SHISAL1: variants seen among roughly 807,000 people sequenced by gnomAD.
SHISAL1 encodes shisa like 1, also known as protein shisa-like-1.
SHISAL1 carries 9 observed loss-of-function variants against 22.6 expected under a neutral mutation model. The ratio of observed to expected loss-of-function variants is 0.40; its 90% CI spans 0.24 to 0.70. SHISAL1 has a LOEUF of 0.70. Among genes scored for constraint, SHISAL1 ranks in the 30% least tolerant of loss-of-function variants. The pLI is 0.39. For missense variants in SHISAL1, 246 were observed against 270.6 expected, an observed-to-expected ratio of 0.91 and a Z score of 0.64; for synonymous variants, 119 against 115.4, an observed-to-expected ratio of 1.03 and a Z score of -0.20.
chr22:44,314,663 G>A (rs2055545966), upstream of SHISAL1, among the ~76,000 whole-genome samples: 1 of 152,130 alleles, frequency 6.6e-6, no homozygotes, highest in Non-Finnish European at 1.5e-5. Context: ...CTTGCACAGT[G>A]GGTCTTTGCC....
Position 44,288,359 on chromosome 22 carries a change from A to C in SHISAL1, c.282-2614T>G, listed in dbSNP as rs8142990. 3.9e-5 allele frequency among the ~76,000 whole-genome samples: 6 copies of C among 152,304 alleles called. No individual in the cohort carries two copies. In the South Asian group the frequency reaches 1.2e-3, roughly 32 times the overall value. ...AGGTAGAAAAGCTGCTCCAGGGGCC[A>C]GGCGCGGTGGCTCATGCCTGTAATC... On this transcript the variant is annotated intron_variant, in intron 3 of 4. Coordinates refer to ENST00000381176, the MANE Select transcript of SHISAL1 (RefSeq NM_001099294.2).
chr22:44,328,603 C>A, the SHISAL1 span, among the ~76,000 whole-genome samples: 3,348 of 152,228 alleles, frequency 0.022, 61 homozygotes, highest in South Asian at 0.053. Flanking sequence ...CATGAGGCAA[C>A]CCTCTTGCAG....
chr22:44,255,660 A>G (rs1199538738), intron 4 of SHISAL1, among the ~76,000 whole-genome samples: 1 of 152,150 alleles, frequency 6.6e-6, no homozygotes, highest in African/African-American at 2.4e-5. Context: ...TCTGCTCTCA[A>G]CACAGCAGCC....
Position 44,294,045 on chromosome 22 carries a change from T to C in SHISAL1, c.281+2627A>G, listed in dbSNP as rs76198488. Among the ~76,000 whole-genome samples the C allele has an allele frequency of 4.9e-3, 744 of 152,298 alleles. 8 individuals are homozygous for C. The highest frequency in any genetic ancestry group is 0.017 in the African/African-American group (710 of 41,562). The stretch of plus-strand genomic sequence containing the variant: ...CAGACCTTGGAGAAGTCTGGTTGTT[T>C]TGCCAAGCCTTGTCTGGCGTTCAGC... On this transcript the variant is annotated intron_variant, in intron 3 of 4. Transcript: ENST00000381176.
chr22:44,277,112 G>A (rs935315542), intron 4 of SHISAL1, among the ~76,000 whole-genome samples: 3 of 152,292 alleles, frequency 2.0e-5, no homozygotes, highest in Admixed American at 6.5e-5. Flanking sequence ...TCCTCCCCTG[G>A]CTGACCAGTG....
At chr22:44,314,437 T>G (rs2055544469), upstream of SHISAL1, among the ~76,000 whole-genome samples, 1 of 152,200 alleles carries the variant, frequency 6.6e-6, no homozygotes, top group Non-Finnish European at 1.5e-5. Flanking sequence ...GCAGACCTCC[T>G]GTGCACCAGA....
intron 3 of SHISAL1, among the ~76,000 whole-genome samples, chr22:44,288,186 A>G (rs2055329327): frequency 6.6e-6 from 1 of 152,208 alleles, no homozygotes; most frequent in South Asian, 2.1e-4. Flanking sequence ...ACGGATGGAA[A>G]ACTGAGGCTC....
At chr22:44,266,564 GGGCTCTGGTGTGTATGTGTGTGTTGGA>G (rs1297541798) in intron 4 of SHISAL1, among the ~76,000 whole-genome samples, 3 of 139,732 alleles carry the variant, frequency 2.1e-5, no homozygotes, top group African/African-American at 8.0e-5. Flanking sequence ...GTGTGTTGGA[GGGCTCTGGTGTGTATGTGTGTGTTGGA>G]GGCTCTGGTG....
At chr22:44,315,492 C>G (rs1018169681), upstream of SHISAL1, among the ~76,000 whole-genome samples, 1 of 152,158 alleles carries the variant, frequency 6.6e-6, no homozygotes, top group African/African-American at 2.4e-5. Flanking sequence ...AATTCCCAGC[C>G]TCCTCCTACT....
rs768987294 is a variant in SHISAL1 at position 44,289,496 on chromosome 22, T to TGTGTGTGTGTGTGTGTGTGTG, written c.282-3752_282-3751insCACACACACACACACACACAC. On this transcript the variant is annotated intron_variant, in intron 3 of 4. Coordinates refer to ENST00000381176, the MANE Select transcript of SHISAL1 (RefSeq NM_001099294.2). ...TGTGTGTGTGTGTGTGTGTGTGTGT[T>TGTGTGTGTGTGTGTGTGTGTG]TACTGCCGGGCTCCTGGCCTCTGCA... Among the ~76,000 whole-genome samples the TGTGTGTGTGTGTGTGTGTGTG allele has an allele frequency of 2.3e-3, 314 of 137,850 alleles. 6 individuals are homozygous for TGTGTGTGTGTGTGTGTGTGTG. Among genetic ancestry groups the TGTGTGTGTGTGTGTGTGTGTG allele is most frequent in the African/African-American group, 5.3e-3 (198 of 37,450 alleles). The allele number at this position is 137,850 out of a possible 152,430, so 90.4% of individuals were successfully genotyped here. A position where few individuals can be genotyped will look rare whatever the true frequency, so the allele number is the denominator to read the frequency against.
At chr22:44,301,842 T>C (rs550998469) in intron 1 of SHISAL1, among the ~76,000 whole-genome samples, 4 of 152,160 alleles carry the variant, frequency 2.6e-5, no homozygotes, top group Admixed American at 2.6e-4. Context: ...ATGGGGTCCC[T>C]AGAGGAGTCC....
the SHISAL1 span, among the ~76,000 whole-genome samples, chr22:44,329,157 T>G: frequency 6.6e-6 from 1 of 152,194 alleles, no homozygotes; most frequent in African/African-American, 2.4e-5. Flanking sequence ...CTTCCTCCTC[T>G]GCTTCCTTGA....
At chr22:44,270,956 C>T (rs938221911) in intron 4 of SHISAL1, among the ~76,000 whole-genome samples, 17 of 152,174 alleles carry the variant, frequency 1.1e-4, no homozygotes, top group Non-Finnish European at 2.2e-4. Flanking sequence ...AAGCCCTGAG[C>T]AACCTCAAAC....
the SHISAL1 span, among the ~76,000 whole-genome samples, chr22:44,320,539 AT>A: frequency 1.3e-5 from 2 of 152,164 alleles, no homozygotes; most frequent in African/African-American, 4.8e-5. Flanking sequence ...ATATTTTCTA[AT>A]TTTTTTCCAC....
the SHISAL1 span, among the ~76,000 whole-genome samples, chr22:44,320,733 G>A: frequency 2.0e-5 from 3 of 152,178 alleles, no homozygotes. Flanking sequence ...CCCCTGGCCT[G>A]TGGACCTGCA....
intron 1 of SHISAL1, among the ~76,000 whole-genome samples, chr22:44,307,666 C>G (rs570842334): frequency 6.6e-6 from 1 of 152,270 alleles, no homozygotes; most frequent in South Asian, 2.1e-4. Flanking sequence ...AGGCATGCAT[C>G]TCTGCGGGCC....
chr22:44,259,387 G>A (rs6006505), intron 4 of SHISAL1, among the ~76,000 whole-genome samples: 9,051 of 151,618 alleles, frequency 0.06, 308 homozygotes, highest in African/African-American at 0.073. Flanking sequence ...GCAGTGAGCC[G>A]ATATCGCGCC....
At chr22:44,279,292 A>G (rs79364) in intron 4 of SHISAL1, among the ~76,000 whole-genome samples, 77,377 of 152,100 alleles carry the variant, frequency 0.51, 21,169 homozygotes, top group Non-Finnish European at 0.62. Context: ...TGGAACCCCC[A>G]AGGAGCTGCA....
rs2055006280 is a variant in SHISAL1 at position 44,246,915 on chromosome 22, C to T, written c.*2770G>A. 1 of 152,234 alleles carries T rather than the reference C, an allele frequency of 6.6e-6. No individual in the cohort carries two copies. The highest frequency in any genetic ancestry group is 2.1e-4 in the South Asian group (1 of 4,828). The allele number at this position is 152,234 out of a possible 1,614,324, so 9.4% of individuals were successfully genotyped here. On this transcript the variant is annotated 3_prime_UTR_variant, in exon 5 of 5. Coordinates refer to ENST00000381176, the MANE Select transcript of SHISAL1 (RefSeq NM_001099294.2). ...GCCTCCTGCTTGCCACAGAATGTTCCAGTCCTCAGCCCAGCTGCCCAAGAG... is the reference window on the plus strand; with the variant it reads ...GCCTCCTGCTTGCCACAGAATGTTCTAGTCCTCAGCCCAGCTGCCCAAGAG...
Sources: gnomAD v4.1 joint callset for allele counts (sites outside exome capture counted in the v4.1 genomes callset) on GRCh38, gnomAD v4.1.1 for gene constraint, MANE v1.5 for transcripts, NCBI Gene and HGNC (gene_info 2026-07-23, HGNC 2026-07-21) for gene names.